ALOX5: variants seen among roughly 807,000 people sequenced by gnomAD.
ALOX5 encodes the protein polyunsaturated fatty acid 5-lipoxygenase.
In ALOX5, 64 loss-of-function variants were observed where a neutral mutation model predicts 87.9. That is an observed-to-expected ratio of 0.73 (90% confidence interval 0.60 to 0.90). The LOEUF (loss-of-function observed/expected upper bound fraction) is 0.90. Ranked by LOEUF, ALOX5 falls within the 40% of genes least tolerant of loss-of-function variation. The pLI is 0.00. For missense variants in ALOX5, 822 were observed against 907.5 expected, an observed-to-expected ratio of 0.91 and a Z score of 1.21; for synonymous variants, 388 against 355.1, an observed-to-expected ratio of 1.09 and a Z score of -1.04.
At chr10:45,424,413 A>G (rs1841620131) in intron 5 of ALOX5, among the ~76,000 whole-genome samples, 1 of 152,208 alleles carries the variant, frequency 6.6e-6, no homozygotes, top group Non-Finnish European at 1.5e-5. Flanking sequence ...TCTCAAAAGT[A>G]TCAGAACTTT....
intron 3 of ALOX5, among the ~76,000 whole-genome samples, chr10:45,398,150 T>C (rs972027203): frequency 6.6e-6 from 1 of 152,238 alleles, no homozygotes; most frequent in African/African-American, 2.4e-5. Context: ...GATAGATATA[T>C]AGATCAATGA....
At chr10:45,441,920 C>T (rs1217066403) in intron 9 of ALOX5, among the ~76,000 whole-genome samples, 1 of 152,120 alleles carries the variant, frequency 6.6e-6, no homozygotes, top group African/African-American at 2.4e-5. Context: ...CACCCCACCT[C>T]GTTTTGAGCC....
intron 3 of ALOX5, among the ~76,000 whole-genome samples, chr10:45,411,961 C>G (rs1841078601): frequency 6.6e-6 from 1 of 152,204 alleles, no homozygotes; most frequent in African/African-American, 2.4e-5. Flanking sequence ...TAAGCCCAGT[C>G]TCAGGGTTCC....
At chr10:45,382,709 G>C in intron 2 of ALOX5, 28 bp downstream of exon 2, 3 of 1,596,648 alleles carry the variant, frequency 1.9e-6, no homozygotes, top group South Asian at 2.2e-5. Context: ...CTTCTGCCCC[G>C]GGCTTCCCAA....
At chr10:45,422,533 C>T (rs893400460) in intron 4 of ALOX5, among the ~76,000 whole-genome samples, 10 of 152,176 alleles carry the variant, frequency 6.6e-5, no homozygotes, top group Non-Finnish European at 1.5e-4. Context: ...GTCCATGAGG[C>T]GATGCTGCAT....
intron 7 of ALOX5, among the ~76,000 whole-genome samples, chr10:45,439,503 G>A (rs749121914): frequency 6.6e-6 from 1 of 152,220 alleles, no homozygotes; most frequent in South Asian, 2.1e-4. Flanking sequence ...AATGGGCAAT[G>A]CCAGCACCTG....
At chr10:45,383,025 A>G (rs1160394819) in intron 2 of ALOX5, among the ~76,000 whole-genome samples, 1 of 152,198 alleles carries the variant, frequency 6.6e-6, no homozygotes, top group Non-Finnish European at 1.5e-5. Flanking sequence ...GCACTTCTCT[A>G]GTTGCCAGGG....
intron 1 of ALOX5, among the ~76,000 whole-genome samples, chr10:45,379,272 G>A (rs1245390900): frequency 6.6e-6 from 1 of 151,684 alleles, no homozygotes; most frequent in Non-Finnish European, 1.5e-5. Context: ...TCTATCCCCT[G>A]GGGACACCTT....
intron 1 of ALOX5, among the ~76,000 whole-genome samples, chr10:45,376,068 T>G (rs1328140928): frequency 6.6e-6 from 1 of 152,164 alleles, no homozygotes; most frequent in East Asian, 1.9e-4. Flanking sequence ...ATTGGTGTGC[T>G]CACACTGCAC....
chr10:45,391,780 G>A (rs1359915183), intron 2 of ALOX5, among the ~76,000 whole-genome samples: 19 of 151,662 alleles, frequency 1.3e-4, no homozygotes, highest in East Asian at 5.8e-4. Context: ...GCCTCTGCCC[G>A]GCCGCCCTGT....
intron 7 of ALOX5, among the ~76,000 whole-genome samples, chr10:45,431,552 TTTA>T (rs1841902612): frequency 8.7e-6 from 1 of 115,538 alleles, no homozygotes; most frequent in Admixed American, 8.2e-5. Flanking sequence ...TATAAAGTTA[TTTA>T]TTTATTTATT....
intron 6 of ALOX5, chr10:45,428,348 T>A: frequency 3.9e-6 from 2 of 514,738 alleles, no homozygotes. Flanking sequence ...CGGTCTCTCA[T>A]CTTTCGTGCC....
intron 3 of ALOX5, among the ~76,000 whole-genome samples, chr10:45,402,994 C>A (rs1840755467): frequency 6.6e-6 from 1 of 152,180 alleles, no homozygotes; most frequent in Non-Finnish European, 1.5e-5. Context: ...ACTGACAACA[C>A]CTGAGTATTA....
Position 45,440,585 on chromosome 10 carries a change from T to G in ALOX5, c.1137T>G (p.Phe379Leu). 7.4e-6 allele frequency: 12 copies of G among 1,614,160 alleles called. No individual in the cohort carries two copies. The highest frequency in any genetic ancestry group is 1.0e-5 in the Non-Finnish European group (12 of 1,180,038). ...LLRTHLVSEV[F>L]GIAMYRQLPA... ...GAACACATCTGGTGTCTGAGGTTTT[T>G]GGCATTGCAATGTACCGCCAGCTGC... Residue 379 changes from phenylalanine (F) to leucine (L), a missense_variant, in exon 8 of 14, where the codon TTT becomes TTG. Coordinates refer to ENST00000374391, the MANE Select transcript of ALOX5 (RefSeq NM_000698.5).
At chr10:45,403,978 T>C (rs1840789589) in intron 3 of ALOX5, among the ~76,000 whole-genome samples, 1 of 152,202 alleles carries the variant, frequency 6.6e-6, no homozygotes, top group Non-Finnish European at 1.5e-5. Flanking sequence ...CCCATAAAAT[T>C]CATTTAATTT....
intron 7 of ALOX5, among the ~76,000 whole-genome samples, chr10:45,431,321 C>T (rs1257807177): frequency 6.6e-6 from 1 of 151,874 alleles, no homozygotes; most frequent in Non-Finnish European, 1.5e-5. Flanking sequence ...CATGATAAAA[C>T]AGGAAAACAA....
chr10:45,388,358 G>A (rs1000485130), intron 2 of ALOX5, among the ~76,000 whole-genome samples: 2 of 152,210 alleles, frequency 1.3e-5, no homozygotes, highest in African/African-American at 4.8e-5. Context: ...CACCCAACAT[G>A]GAATTTGAGA....
intron 2 of ALOX5, among the ~76,000 whole-genome samples, chr10:45,394,091 T>A (rs12267863): frequency 0.022 from 3,424 of 152,264 alleles, 126 homozygotes; most frequent in African/African-American, 0.078. Context: ...CTTCTCAGAA[T>A]TGGAAAAATC....
chr10:45,406,308 C>T (rs558983671), intron 3 of ALOX5, among the ~76,000 whole-genome samples: 4 of 152,250 alleles, frequency 2.6e-5, no homozygotes, highest in South Asian at 2.1e-4. Context: ...GGTCTGTTTC[C>T]GCACTTTATG....
Sources: gnomAD v4.1 joint callset for allele counts (sites outside exome capture counted in the v4.1 genomes callset) on GRCh38, gnomAD v4.1.1 for gene constraint, MANE v1.5 for transcripts, NCBI Gene and HGNC (gene_info 2026-07-23, HGNC 2026-07-21) for gene names.